COL7A1: variants seen among roughly 807,000 people sequenced by gnomAD.
COL7A1 encodes the protein collagen alpha-1(VII) chain.
Under a neutral mutation model 456.2 loss-of-function variants are expected in COL7A1, and 296 were observed. That is an observed-to-expected ratio of 0.65 (90% CI 0.59 to 0.71). COL7A1 has a LOEUF of 0.71. COL7A1 is among the 30% of genes least tolerant of loss of function. The pLI, the probability that COL7A1 is intolerant of heterozygous loss-of-function variation, is 0.00. For synonymous variants in COL7A1, 1,464 were observed against 1,525.9 expected, an observed-to-expected ratio of 0.96 and a Z score of 0.95; for missense variants, 3,441 against 4,017.2, an observed-to-expected ratio of 0.86 and a Z score of 3.88.
rs74390291 is a variant in COL7A1, at chr3:48,583,059, A to G, written c.4483-11T>C. The G allele has an allele frequency of 0.011, 17,676 of 1,613,966 alleles. 115 individuals carry two copies. Among genetic ancestry groups the G allele is most frequent in the Non-Finnish European group, 0.013 (15,119 of 1,179,972 alleles). ...GGGTCCACGTTCGCCCTGATGGAAA[A>G]GAAGAGGTCAGAGCTGAGTTGGGCC... On this transcript the variant is annotated splice_polypyrimidine_tract_variant and intron_variant, in intron 43 of 118. Transcript: ENST00000681320. The surrounding 1 kb of genome is among the most constrained non-coding windows in gnomAD (Gnocchi z 5.1).
At chr3:48,582,714 G>A in intron 44 of COL7A1, 61 bp from the exon 45 acceptor site, 4 of 1,579,748 alleles carry the variant, frequency 2.5e-6, no homozygotes, top group South Asian at 2.2e-5. Context: ...TGGACAGACA[G>A]GGCTAGAGGC....
Position 48,581,324 on chromosome 3 carries a change from G to T in COL7A1, c.4835C>A (p.Pro1612His). Residue 1612 changes from proline to histidine, a missense_variant, in exon 52 of 119, where the codon CCT becomes CAT. Transcript: ENST00000681320. This position sits in a 1 kb window ranked among gnomAD's most constrained non-coding sequence, Gnocchi z 5.8. ...CCGCCCAGGGTCTCCCTTCTCTCCAGGAGGCCCTGAGTCACCCTGTGGAGG... is the reference window on the plus strand; with the variant it reads ...CCGCCCAGGGTCTCCCTTCTCTCCATGAGGCCCTGAGTCACCCTGTGGAGG... ...RAGPPGDSGP[P>H]GEKGDPGRPG... The T allele has an allele frequency of 6.2e-7, 1 of 1,613,636 alleles. No homozygotes were observed.
In COL7A1 at chr3:48,584,080, C is replaced by A; in HGVS notation, c.4198-19G>T. ...TGTCACCCTAGAAAACAGATGACGA[C>A]CCCATGACCCTGGGCCACACCTCAC... On this transcript the variant is annotated intron_variant, in intron 37 of 118. Transcript: ENST00000681320. The A allele has an allele frequency of 6.2e-7, 1 of 1,614,196 alleles. No individual in the cohort carries two copies. Among genetic ancestry groups the A allele is most frequent in the Non-Finnish European group, 8.5e-7 (1 of 1,180,040 alleles).
Position 48,568,035 on chromosome 3 carries a change from C to G in COL7A1, c.7875+55G>C. ...TAATATCTGACCCCAGGTCCCTCGC[C>G]CTTCAACATTAGGCCTTCCTGACCA... On this transcript the variant is annotated intron_variant, in intron 106 of 118. Coordinates refer to ENST00000681320, the MANE Select transcript of COL7A1 (RefSeq NM_000094.4). The surrounding 1 kb of genome is among the most constrained non-coding windows in gnomAD (Gnocchi z 5.2). 1 of 1,609,392 alleles carries G rather than the reference C, an allele frequency of 6.2e-7. No homozygotes were observed. Among genetic ancestry groups the G allele is most frequent in the South Asian group, 1.1e-5 (1 of 90,958 alleles).
At position 48,590,815 on chromosome 3, in the gene COL7A1, C is replaced by T; in HGVS notation, c.1638G>A (p.Gly546=). Residue 546 remains glycine (G), a splice_region_variant and synonymous_variant, in exon 14 of 119, where the codon GGG becomes GGA. Coordinates refer to ENST00000681320, the MANE Select transcript of COL7A1 (RefSeq NM_000094.4). The surrounding 1 kb of genome is among the most constrained non-coding windows in gnomAD (Gnocchi z 4.6). ...QYRIIVRSTQ[G]VERTLVLPGS... is the part of the protein sequence containing the mutation. ...CAGGAAGCACCAGGGTCCGCTCAAC[C>T]CCTAAGAGAGAAGTCAGGGTAGGTG... is the stretch of plus-strand genomic sequence containing the variant. 2 of 1,613,272 alleles carry T rather than the reference C, an allele frequency of 1.2e-6. No individual in the cohort carries two copies. Among genetic ancestry groups the T allele is most frequent in the Non-Finnish European group, 1.7e-6 (2 of 1,179,996 alleles).
Position 48,571,803 on chromosome 3 carries a change from A to T in COL7A1, c.7068+198T>A, listed in dbSNP as rs1174450726. ...GACCAAGGATGGGCACACAGAAGCC[A>T]AGACAGGGCCCCCAGAGCTCAGAGT... On this transcript the variant is annotated intron_variant, in intron 92 of 118. Coordinates refer to ENST00000681320, the MANE Select transcript of COL7A1 (RefSeq NM_000094.4). The surrounding 1 kb of genome is among the most constrained non-coding windows in gnomAD (Gnocchi z 4.6). 2.9e-6 allele frequency: 2 copies of T among 686,980 alleles called. No homozygotes were observed. The highest frequency in any genetic ancestry group is 5.1e-6 in the Non-Finnish European group (2 of 394,746). 42.6% of individuals were successfully genotyped at this position (686,980 alleles called of 1,614,324 possible).
rs535641736 is a variant in COL7A1 at position 48,587,729 on chromosome 3, G to A, written c.2857+64C>T. ...GTACAGGAGGAGTCACTCAGAGTCG[G>A]GGTGCAGGAAGTCAGGGTGGGTCAT... On this transcript the variant is annotated intron_variant, in intron 22 of 118. Transcript: ENST00000681320. This position sits in a 1 kb window ranked among gnomAD's most constrained non-coding sequence, Gnocchi z 6.1. 1.2e-3 allele frequency: 1,942 copies of A among 1,612,020 alleles called. 3 individuals are homozygous for A. The highest frequency in any genetic ancestry group is 1.5e-3 in the Non-Finnish European group (1,821 of 1,178,846).
rs2045129118 is a variant in COL7A1 at position 48,584,962 on chromosome 3, G to C, written c.3976-17C>G. The C allele has an allele frequency of 3.1e-6, 5 of 1,613,832 alleles. No individual in the cohort carries two copies. The East Asian group carries it at 6.7e-5, about 22-fold the overall frequency. On this transcript the variant is annotated splice_polypyrimidine_tract_variant and intron_variant, in intron 33 of 118. Coordinates refer to ENST00000681320, the MANE Select transcript of COL7A1 (RefSeq NM_000094.4). The stretch of plus-strand genomic sequence containing the variant: ...TGGAGAGCCCTGCAAATGGAGGCCA[G>C]AGGCAGAACAGTCGGAGCCACCCCA...
In COL7A1 at chr3:48,585,593, C is replaced by A. The variant is rs773951558; in HGVS notation, c.3858G>T (p.Gln1286His). ...LPGRTGAPGP[Q>H]GPPGSATAKG... ...TGGCAGTGGCACTTCCAGGGGGCCCCTGGGGGCCGGGAGCACCGGTCCTGC... is the reference window on the plus strand; with the variant it reads ...TGGCAGTGGCACTTCCAGGGGGCCCATGGGGGCCGGGAGCACCGGTCCTGC... Residue 1286 changes from glutamine (Q) to histidine (H), a missense_variant, in exon 32 of 119, where the codon CAG (glutamine) becomes CAT (histidine). Gln to His is a conservative substitution (Grantham distance 24). Transcript: ENST00000681320. This position sits in a 1 kb window ranked among gnomAD's most constrained non-coding sequence, Gnocchi z 4.5. 6 of 1,613,996 alleles carry A rather than the reference C, an allele frequency of 3.7e-6. No homozygotes were observed. The African/African-American group carries it at 4.0e-5, about 11-fold the overall frequency.
In COL7A1 at chr3:48,567,172, C is replaced by T. The variant is rs748940147; in HGVS notation, c.8065G>A (p.Gly2689Arg). 5.0e-6 allele frequency: 8 copies of T among 1,614,012 alleles called. No individual in the cohort carries two copies. The highest frequency in any genetic ancestry group is 2.2e-5 in the East Asian group (1 of 44,876). Residue 2689 changes from glycine (G) to arginine (R), a missense_variant, in exon 110 of 119, where the codon GGG (glycine) becomes AGG (arginine). Transcript: ENST00000681320. The surrounding 1 kb of genome is among the most constrained non-coding windows in gnomAD (Gnocchi z 4.3). The stretch of plus-strand genomic sequence containing the variant: ...TGGTCACCCTTGGGGCCTGGCTGCC[C>T]GTCAAAGCCTCGGTCACCCTGGGAA... ...IGPKGDRGFDGQPGPKGDQGE... is the reference protein window; with the variant it reads ...IGPKGDRGFDRQPGPKGDQGE...
chr3:48,570,402 C>G lies in COL7A1; in HGVS notation c.7380+63G>C, dbSNP rs1019491411. On this transcript the variant is annotated intron_variant, in intron 97 of 118. Coordinates refer to ENST00000681320, the MANE Select transcript of COL7A1 (RefSeq NM_000094.4). This position sits in a 1 kb window ranked among gnomAD's most constrained non-coding sequence, Gnocchi z 5.5. ...TGGGGGACGCAGGGTCATGGGAGGT[C>G]AGTGGAGGCTGAAGGGGGTGACCAG... is the stretch of plus-strand genomic sequence containing the variant. The G allele has an allele frequency of 3.1e-6, 5 of 1,613,784 alleles. No homozygotes were observed. The African/African-American group carries it at 5.3e-5, about 17-fold the overall frequency.
In COL7A1 at chr3:48,590,950, C is replaced by T; in HGVS notation, c.1637-134G>A. On this transcript the variant is annotated intron_variant, in intron 13 of 118. Coordinates refer to ENST00000681320, the MANE Select transcript of COL7A1 (RefSeq NM_000094.4). The surrounding 1 kb of genome is among the most constrained non-coding windows in gnomAD (Gnocchi z 4.6). ...ATGTGGGGTGGTGGGGACCAGAGAGCTGGGATATGGCTGAAAAAAGTGAGT... is the reference window on the plus strand; with the variant it reads ...ATGTGGGGTGGTGGGGACCAGAGAGTTGGGATATGGCTGAAAAAAGTGAGT... The T allele has an allele frequency of 1.0e-6, 1 of 986,188 alleles. No homozygotes were observed. The allele number at this position is 986,188 out of a possible 1,614,324, so 61.1% of individuals were successfully genotyped here. A position where few individuals can be genotyped will look rare whatever the true frequency, so the allele number is the denominator to read the frequency against.
chr3:48,582,983 T>C lies in COL7A1; in HGVS notation c.4518+30A>G, dbSNP rs752218472. On this transcript the variant is annotated intron_variant, in intron 44 of 118. Transcript: ENST00000681320. Reference sequence around the variant, plus strand: ...CCAGAAAGGGCACAGCCAGGTCAGCTGGTATGAGCATTGCAGCCAGTGGGT... The same window carrying C: ...CCAGAAAGGGCACAGCCAGGTCAGCCGGTATGAGCATTGCAGCCAGTGGGT... 17 of 1,613,828 alleles carry C rather than the reference T, an allele frequency of 1.1e-5. No individual in the cohort carries two copies. The Admixed American group carries it at 2.5e-4, about 24-fold the overall frequency.
rs1428459217 is a variant in COL7A1 at position 48,569,106 on chromosome 3, C to G, written c.7687-251G>C. Among the ~76,000 whole-genome samples, 2 of 152,038 alleles carry G rather than the reference C, an allele frequency of 1.3e-5. No homozygotes were observed. The highest frequency in any genetic ancestry group is 2.9e-5 in the Non-Finnish European group (2 of 67,978). On this transcript the variant is annotated intron_variant, in intron 103 of 118. Coordinates refer to ENST00000681320, the MANE Select transcript of COL7A1 (RefSeq NM_000094.4). This position sits in a 1 kb window ranked among gnomAD's most constrained non-coding sequence, Gnocchi z 4.9. ...TGGGTTCCTCATCCCATCTGAAGCA[C>G]CTTCAGATGGGGACACCCAAGGAGC...
In COL7A1 at chr3:48,574,597, C is replaced by T. The variant is rs1560213955; in HGVS notation, c.6394-47G>A. Reference sequence around the variant, plus strand: ...CTGAGCCCCCAGTCCCTGCCACGTGCCCAGGTGCATATGCACACCACCTCT... The same window carrying T: ...CTGAGCCCCCAGTCCCTGCCACGTGTCCAGGTGCATATGCACACCACCTCT... On this transcript the variant is annotated intron_variant, in intron 78 of 118. Coordinates refer to ENST00000681320, the MANE Select transcript of COL7A1 (RefSeq NM_000094.4). The surrounding 1 kb of genome is among the most constrained non-coding windows in gnomAD (Gnocchi z 5.0). 2 of 1,613,844 alleles carry T rather than the reference C, an allele frequency of 1.2e-6. No individual in the cohort carries two copies. The highest frequency in any genetic ancestry group is 1.7e-6 in the Non-Finnish European group (2 of 1,180,002).
Position 48,593,026 on chromosome 3 carries a change from G to A in COL7A1, c.682+76C>T. 12 of 1,612,878 alleles carry A rather than the reference G, an allele frequency of 7.4e-6. No individual in the cohort carries two copies. The highest frequency in any genetic ancestry group is 1.7e-4 in the Middle Eastern group (1 of 6,050). On this transcript the variant is annotated intron_variant, in intron 6 of 118. Transcript: ENST00000681320. The surrounding 1 kb of genome is among the most constrained non-coding windows in gnomAD (Gnocchi z 4.4). ...TGGGGTCGGGGTCAGGAGCACATAG[G>A]ATGGAATCAGCACTGCCAAGTGGGG...
Position 48,590,225 on chromosome 3 carries a change from C to T in COL7A1, c.2038G>A (p.Val680Met), listed in dbSNP as rs377330925. ...GGCAGGGCCTGACCCGTTCGAGCCA[C>T]GATGACTGCAGCAGGGCCCTCCTCT... ...GREEGPAAVI[V>M]ARTDPLGPVR... The change falls in exon 16 of 119, where the codon GTG becomes ATG. Residue 680 changes from valine (V) to methionine (M), a missense_variant. Around this residue, in one of 3 missense-constraint regions of COL7A1, gnomAD observed 913 missense variants for 1,088.2 expected, o/e 0.84. Coordinates refer to ENST00000681320, the MANE Select transcript of COL7A1 (RefSeq NM_000094.4). The surrounding 1 kb of genome is among the most constrained non-coding windows in gnomAD (Gnocchi z 4.6). The T allele has an allele frequency of 3.1e-6, 5 of 1,613,504 alleles. No homozygotes were observed. The highest frequency in any genetic ancestry group is 1.7e-5 in the Admixed American group (1 of 60,004).
Position 48,567,183 on chromosome 3 carries a change from C to G in COL7A1, c.8054G>C (p.Arg2685Pro), listed in dbSNP as rs886058630. The G allele has an allele frequency of 8.7e-6, 14 of 1,613,844 alleles. No individual in the cohort carries two copies. The highest frequency in any genetic ancestry group is 8.3e-5 in the Admixed American group (5 of 59,996). Residue 2685 changes from arginine (R) to proline (P), a missense_variant, in exon 110 of 119, where the codon CGA becomes CCA. Physicochemically the swap from Arg to Pro is moderately radical, Grantham distance 103. Coordinates refer to ENST00000681320, the MANE Select transcript of COL7A1 (RefSeq NM_000094.4). The surrounding 1 kb of genome is among the most constrained non-coding windows in gnomAD (Gnocchi z 4.3). ...KEGLIGPKGD[R>P]GFDGQPGPKG... ...GGGGCCTGGCTGCCCGTCAAAGCCT[C>G]GGTCACCCTGGGAACAGAAGAAGCA...
Position 48,569,297 on chromosome 3 carries a change from C to T in COL7A1, c.7686+78G>A. On this transcript the variant is annotated intron_variant, in intron 103 of 118. Transcript: ENST00000681320. The surrounding 1 kb of genome is among the most constrained non-coding windows in gnomAD (Gnocchi z 4.9). ...CCCAGAAAGCCTCCTCCTGTCCTCC[C>T]CTCCTGCCCTCACAGATGCTGTGGA... 1 of 1,552,884 alleles carries T rather than the reference C, an allele frequency of 6.4e-7. No homozygotes were observed. Among genetic ancestry groups the T allele is most frequent in the Non-Finnish European group, 8.9e-7 (1 of 1,124,346 alleles).
Sources: gnomAD v4.1 joint callset for allele counts (sites outside exome capture counted in the v4.1 genomes callset) on GRCh38, gnomAD v4.1.1 for gene constraint, gnomAD v4.1.1 regional missense constraint, Gnocchi (gnomAD v3.1) non-coding constraint, MANE v1.5 for transcripts, NCBI Gene and HGNC (gene_info 2026-07-23, HGNC 2026-07-21) for gene names.